CLOCK: variants seen among roughly 807,000 people sequenced by gnomAD.
The protein encoded by CLOCK is clock circadian regulator.
Under a neutral mutation model 118.4 loss-of-function variants are expected in CLOCK, and 43 were observed. The observed-to-expected ratio is 0.36, with a 90% CI of 0.28 to 0.47. The LOEUF (loss-of-function observed/expected upper bound fraction) is 0.47, where lower values mean the gene tolerates loss of function less well. CLOCK is among the 20% of genes least tolerant of loss of function. CLOCK has a pLI of 1.00. For missense variants in CLOCK, 846 were observed against 999.9 expected, an observed-to-expected ratio of 0.85 and a Z score of 2.08; for synonymous variants, 326 against 339.2, an observed-to-expected ratio of 0.96 and a Z score of 0.43.
At chr4:55,466,337 C>T (rs1382969665) in intron 8 of CLOCK, among the ~76,000 whole-genome samples, 2 of 152,126 alleles carry the variant, frequency 1.3e-5, no homozygotes, top group East Asian at 1.9e-4. Flanking sequence ...CCTGAGGCCT[C>T]CCCAGCCATG....
At chr4:55,520,296 C>T (rs1236953471) in intron 1 of CLOCK, among the ~76,000 whole-genome samples, 1 of 152,158 alleles carries the variant, frequency 6.6e-6, no homozygotes, top group African/African-American at 2.4e-5. Context: ...CTGTTTTCTC[C>T]CAAAACCTTG....
intron 1 of CLOCK, among the ~76,000 whole-genome samples, chr4:55,523,080 G>A (rs1370620964): frequency 6.6e-6 from 1 of 152,030 alleles, no homozygotes; most frequent in Non-Finnish European, 1.5e-5. Flanking sequence ...CGGATCGCGA[G>A]GTCAGGAGAT....
chr4:55,545,869 A>C (rs1731584546), intron 1 of CLOCK: 2 of 152,310 alleles, frequency 1.3e-5, no homozygotes, highest in South Asian at 4.1e-4. Flanking sequence ...GGGTGGACGG[A>C]AGAAGAGAAA....
chr4:55,532,810 G>A (rs1420823883), intron 1 of CLOCK, among the ~76,000 whole-genome samples: 1 of 152,026 alleles, frequency 6.6e-6, no homozygotes, highest in Non-Finnish European at 1.5e-5. Flanking sequence ...TTGTGCCACT[G>A]CACTCCAGCC....
At chr4:55,475,278 T>C (rs1726430245) in intron 7 of CLOCK, among the ~76,000 whole-genome samples, 1 of 152,228 alleles carries the variant, frequency 6.6e-6, no homozygotes, top group South Asian at 2.1e-4. Flanking sequence ...AAGATGTGAC[T>C]GATTGCTGCA....
At position 55,429,305 on chromosome 4, in the gene CLOCK, A is replaced by AACGGT. The variant is rs1722367905; in HGVS notation, c.*6109_*6110insACCGT. 1 of 152,196 alleles carries AACGGT rather than the reference A, an allele frequency of 6.6e-6. No individual in the cohort carries two copies. Among genetic ancestry groups the AACGGT allele is most frequent in the Admixed American group, 6.6e-5 (1 of 15,262 alleles). 9.4% of individuals were successfully genotyped at this position (152,196 alleles called of 1,614,324 possible). On this transcript the variant is annotated 3_prime_UTR_variant, in exon 23 of 23. Coordinates refer to ENST00000513440, the MANE Select transcript of CLOCK (RefSeq NM_004898.4). Reference sequence around the variant, plus strand: ...AATTCAATTGTGGTTGACGTGCTTTAACTACCGTTCTCTAAGTTGTGTGCT... The same window carrying AACGGT: ...AATTCAATTGTGGTTGACGTGCTTTAACGGTACTACCGTTCTCTAAGTTGTGTGCT...
rs1472492049 is a variant in CLOCK at position 55,453,061 on chromosome 4, G to A, written c.1199C>T (p.Ala400Val). 2 of 1,607,292 alleles carry A rather than the reference G, an allele frequency of 1.2e-6. No individual in the cohort carries two copies. The highest frequency in any genetic ancestry group is 1.7e-6 in the Non-Finnish European group (2 of 1,175,320). ...TAATTATAAGAAACATACTTTGTCA[G>A]CAGCTGTCTCAGGAAGAGACTCTTC... ...GIEESLPETA[A>V]DKSQDSGSDN... Residue 400 changes from alanine (A) to valine (V), a missense_variant, in exon 15 of 23, where the codon GCT becomes GTT. This residue lies in a region of CLOCK where 520 missense variants were observed against 558.0 expected (regional missense o/e 0.93). Transcript: ENST00000513440.
At chr4:55,485,320 T>C (rs557125663) in intron 3 of CLOCK, among the ~76,000 whole-genome samples, 1 of 152,322 alleles carries the variant, frequency 6.6e-6, no homozygotes, top group South Asian at 2.1e-4. Context: ...CCAATTGACA[T>C]ACACATTTTA....
At chr4:55,459,814 C>T (rs1448406874) in intron 9 of CLOCK, among the ~76,000 whole-genome samples, 2 of 152,124 alleles carry the variant, frequency 1.3e-5, no homozygotes, top group Non-Finnish European at 2.9e-5. Flanking sequence ...AGGTGTGAGC[C>T]ACCATGCCTG....
intron 18 of CLOCK, 23 bp from the exon 19 acceptor site, chr4:55,444,808 A>G: frequency 3.7e-6 from 6 of 1,610,972 alleles, no homozygotes; most frequent in Non-Finnish European, 5.1e-6. Flanking sequence ...GTACGGAAAA[A>G]GTGTAATATA....
chr4:55,514,259 T>G (rs1359491326), intron 1 of CLOCK, among the ~76,000 whole-genome samples: 3 of 152,114 alleles, frequency 2.0e-5, no homozygotes, highest in Non-Finnish European at 4.4e-5. Context: ...ATTCTCACAT[T>G]CATAAAATAC....
chr4:55,449,045 C>G (rs986780963), intron 17 of CLOCK, among the ~76,000 whole-genome samples, 177 bp from the exon 18 acceptor site: 4 of 152,058 alleles, frequency 2.6e-5, no homozygotes, highest in African/African-American at 9.7e-5. Flanking sequence ...CCCTATTTAT[C>G]TTTTATTTTC....
chr4:55,454,484 A>G (rs778268114), intron 13 of CLOCK, among the ~76,000 whole-genome samples: 1 of 151,776 alleles, frequency 6.6e-6, no homozygotes, highest in Non-Finnish European at 1.5e-5. Context: ...GCATGGTGGT[A>G]CGTGCCTGTA....
intron 8 of CLOCK, among the ~76,000 whole-genome samples, chr4:55,467,212 A>G (rs923734239): frequency 6.6e-6 from 1 of 152,178 alleles, no homozygotes; most frequent in Non-Finnish European, 1.5e-5. Context: ...CATGTTGTCT[A>G]TTTCAAAGGG....
intron 6 of CLOCK, among the ~76,000 whole-genome samples, chr4:55,476,663 G>T (rs1030059163): frequency 6.6e-6 from 1 of 152,156 alleles, no homozygotes; most frequent in Non-Finnish European, 1.5e-5. Flanking sequence ...ACAGTAGAGA[G>T]ATGGTGAAAA....
At chr4:55,514,086 G>A (rs1729329407) in intron 1 of CLOCK, among the ~76,000 whole-genome samples, 1 of 151,964 alleles carries the variant, frequency 6.6e-6, no homozygotes, top group African/African-American at 2.4e-5. Flanking sequence ...TTCCCAATCA[G>A]TATACATTTC....
chr4:55,527,811 A>C (rs941619861), intron 1 of CLOCK, among the ~76,000 whole-genome samples: 1 of 146,730 alleles, frequency 6.8e-6, no homozygotes, highest in Non-Finnish European at 1.5e-5. Context: ...GGGAGGCCTA[A>C]GTGAGAGGAT....
At chr4:55,462,138 C>T (rs550988753) in intron 9 of CLOCK, among the ~76,000 whole-genome samples, 7 of 152,266 alleles carry the variant, frequency 4.6e-5, no homozygotes, top group Admixed American at 4.6e-4. Flanking sequence ...GTATTCTTGC[C>T]ATTTTCATTT....
chr4:55,437,575 G>T (rs560073485), intron 22 of CLOCK, among the ~76,000 whole-genome samples: 2 of 152,286 alleles, frequency 1.3e-5, no homozygotes, highest in Admixed American at 1.3e-4. Context: ...CAATATAGCG[G>T]TCACAAATAA....
Sources: gnomAD v4.1 joint callset for allele counts (sites outside exome capture counted in the v4.1 genomes callset) on GRCh38, gnomAD v4.1.1 for gene constraint, gnomAD v4.1.1 regional missense constraint, MANE v1.5 for transcripts, NCBI Gene and HGNC (gene_info 2026-07-23, HGNC 2026-07-21) for gene names.